The following TAOK1 variants were observed in gnomAD, a reference collection of about 807,000 sequenced individuals.
TAOK1 encodes the protein TAO kinase 1, also known as serine/threonine-protein kinase TAO1.
TAOK1 carries 21 observed loss-of-function variants against 138.3 expected under a neutral mutation model. The ratio of observed to expected loss-of-function variants is 0.15; its 90% confidence interval spans 0.11 to 0.22. The LOEUF (loss-of-function observed/expected upper bound fraction) is 0.22, where lower values mean the gene tolerates loss of function less well. Ranked by LOEUF, TAOK1 falls within the 10% of genes least tolerant of loss-of-function variation. TAOK1 has a pLI of 1.00. For missense variants in TAOK1, 651 were observed against 1,227.7 expected, an observed-to-expected ratio of 0.53 and a Z score of 7.02; for synonymous variants, 361 against 398.4, an observed-to-expected ratio of 0.91 and a Z score of 1.12.
chr17:29,533,702 G>A (rs527248276), intron 18 of TAOK1, among the ~76,000 whole-genome samples: 54 of 151,816 alleles, frequency 3.6e-4, no homozygotes, highest in African/African-American at 9.9e-4. Flanking sequence ...CCAGTCAGGC[G>A]TGGCGGCGCG....
chr17:29,533,737 AG>A (rs1188958383), intron 18 of TAOK1, among the ~76,000 whole-genome samples: 1 of 139,678 alleles, frequency 7.2e-6, no homozygotes, highest in African/African-American at 2.7e-5. Flanking sequence ...GGCACTCGGC[AG>A]GCTGAGGCAG....
At chr17:29,458,967 G>T (rs940959057) in intron 2 of TAOK1, among the ~76,000 whole-genome samples, 1 of 151,996 alleles carries the variant, frequency 6.6e-6, no homozygotes, top group Non-Finnish European at 1.5e-5. Flanking sequence ...AGATCCACCC[G>T]CCTTGGCCTC....
rs553345588 is a variant in TAOK1, at chr17:29,547,656, A to G, written c.*4634A>G. The G allele has an allele frequency of 2.6e-5, 4 of 152,278 alleles. No individual in the cohort carries two copies. The East Asian group carries it at 7.7e-4, about 29-fold the overall frequency. 9.4% of individuals were successfully genotyped at this position (152,278 alleles called of 1,614,324 possible). ...AGAGCCTTCTCCAAGAGCAATGTCA[A>G]AACTTGGGCTGTCATCTTTGAGCTG... is the stretch of plus-strand genomic sequence containing the variant. On this transcript the variant is annotated 3_prime_UTR_variant, in exon 20 of 20. Transcript: ENST00000261716.
intron 1 of TAOK1, among the ~76,000 whole-genome samples, chr17:29,447,953 GTC>G (rs1241203578): frequency 1.6e-5 from 2 of 122,506 alleles, no homozygotes; most frequent in Non-Finnish European, 3.2e-5. Context: ...ACTGCACCTG[GTC>G]TTTTTTTTTT....
intron 1 of TAOK1, among the ~76,000 whole-genome samples, chr17:29,433,854 G>A (rs552046623): frequency 2.6e-5 from 4 of 152,184 alleles, no homozygotes; most frequent in African/African-American, 7.2e-5. Flanking sequence ...TTAAGGACAC[G>A]GACGAAGACC....
At chr17:29,429,501 C>G (rs2153022506) in intron 1 of TAOK1, among the ~76,000 whole-genome samples, 1 of 152,180 alleles carries the variant, frequency 6.6e-6, no homozygotes, top group East Asian at 1.9e-4. Flanking sequence ...GTCTCAAATG[C>G]TTGACCTCAA....
At chr17:29,422,133 G>GTGA (rs1298125910) in intron 1 of TAOK1, among the ~76,000 whole-genome samples, 3 of 151,926 alleles carry the variant, frequency 2.0e-5, no homozygotes, top group African/African-American at 7.2e-5. Context: ...TCCTGACCTC[G>GTGA]TGATCCACCC....
chr17:29,409,333 A>ATATATTT (rs1348702470), intron 1 of TAOK1, among the ~76,000 whole-genome samples: 5 of 59,034 alleles, frequency 8.5e-5, no homozygotes, highest in African/African-American at 3.3e-4. Context: ...ATATATATAT[A>ATATATTT]TTTTTTTTTT....
chr17:29,543,911 A>T lies in TAOK1; in HGVS notation c.*889A>T, dbSNP rs533883859. ...GGCCCTGAAAGTTCATATGGTGGGTATGTCCCGCAGCAGAGTGAGGAGATG... is the reference window on the plus strand; with the variant it reads ...GGCCCTGAAAGTTCATATGGTGGGTTTGTCCCGCAGCAGAGTGAGGAGATG... On this transcript the variant is annotated 3_prime_UTR_variant, in exon 20 of 20. Transcript: ENST00000261716. 2.5e-3 allele frequency: 384 copies of T among 152,280 alleles called. 2 individuals carry two copies. Among genetic ancestry groups the T allele is most frequent in the Non-Finnish European group, 4.6e-3 (314 of 68,022 alleles). 9.4% of individuals were successfully genotyped at this position (152,280 alleles called of 1,614,324 possible).
intron 8 of TAOK1, among the ~76,000 whole-genome samples, chr17:29,488,645 G>A (rs1047960804): frequency 1.8e-4 from 26 of 148,254 alleles, no homozygotes; most frequent in South Asian, 4.2e-4. Flanking sequence ...ATTTTTTTTC[G>A]CCAAATATTT....
chr17:29,464,923 C>T (rs979674310), intron 2 of TAOK1, among the ~76,000 whole-genome samples: 1 of 149,774 alleles, frequency 6.7e-6, no homozygotes, highest in East Asian at 2.0e-4. Context: ...TGGGTTCAAG[C>T]GATTCTTGTG....
chr17:29,477,579 C>T lies in TAOK1; in HGVS notation c.307-82C>T. 4.0e-6 allele frequency: 3 copies of T among 747,522 alleles called. No homozygotes were observed. The South Asian group carries it at 1.4e-4, about 34-fold the overall frequency. 46.3% of individuals were successfully genotyped at this position (747,522 alleles called of 1,614,324 possible). A position where few individuals can be genotyped will look rare whatever the true frequency, so the allele number is the denominator to read the frequency against. On this transcript the variant is annotated intron_variant, in intron 4 of 19. Transcript: ENST00000261716. ...TACTTCAAACTATGTTCTTGATCTA[C>T]TGTGTGAACTTATTTTATCTTAAAT...
At chr17:29,463,568 C>G (rs910246161) in intron 2 of TAOK1, among the ~76,000 whole-genome samples, 9 of 131,700 alleles carry the variant, frequency 6.8e-5, no homozygotes, top group African/African-American at 2.7e-4. Flanking sequence ...AAGACTCCAT[C>G]TCAAAAAAAA....
intron 17 of TAOK1, among the ~76,000 whole-genome samples, chr17:29,524,702 A>C (rs1037477941): frequency 5.3e-5 from 8 of 152,210 alleles, no homozygotes; most frequent in African/African-American, 1.9e-4. Flanking sequence ...TGCCTCTTTC[A>C]ATTTTCTCCT....
intron 1 of TAOK1, among the ~76,000 whole-genome samples, chr17:29,418,516 T>C (rs557034937): frequency 6.6e-6 from 1 of 152,254 alleles, no homozygotes; most frequent in African/African-American, 2.4e-5. Context: ...ATCATAGCTT[T>C]ATATAGTCAT....
chr17:29,523,720 C>CTT (rs1160169503), intron 17 of TAOK1, among the ~76,000 whole-genome samples: 1 of 152,158 alleles, frequency 6.6e-6, no homozygotes, highest in Non-Finnish European at 1.5e-5. Context: ...CACCCACTAT[C>CTT]TGTCATCGAT....
chr17:29,479,875 A>G (rs1780271670), intron 6 of TAOK1, among the ~76,000 whole-genome samples: 1 of 152,090 alleles, frequency 6.6e-6, no homozygotes, highest in South Asian at 2.1e-4. Flanking sequence ...TATATTTAGG[A>G]AAACTATGCT....
Position 29,395,824 on chromosome 17 carries a change from A to ATTTTTT in TAOK1, c.-95+4819_-95+4824dup, listed in dbSNP as rs1187461666. Among the ~76,000 whole-genome samples, 280 of 72,072 alleles carry ATTTTTT rather than the reference A, an allele frequency of 3.9e-3. 2 individuals are homozygous for ATTTTTT. The highest frequency in any genetic ancestry group is 8.1e-3 in the African/African-American group (126 of 15,556). The allele number at this position is 72,072 out of a possible 152,430, so 47.3% of individuals were successfully genotyped here. On this transcript the variant is annotated intron_variant, in intron 1 of 19. Coordinates refer to ENST00000261716, the MANE Select transcript of TAOK1 (RefSeq NM_020791.4). ...AGGTACATGCCACCACGTCTGGCTAATTTTTTTTTTTTTTTTTTTTTTTTG... is the reference window on the plus strand; with the variant it reads ...AGGTACATGCCACCACGTCTGGCTAATTTTTTTTTTTTTTTTTTTTTTTTTTTTTTG...
At chr17:29,415,101 C>G (rs189324826) in intron 1 of TAOK1, among the ~76,000 whole-genome samples, 3 of 152,106 alleles carry the variant, frequency 2.0e-5, no homozygotes, top group Admixed American at 6.6e-5. Context: ...TCCCAAATAG[C>G]TGGGATTACA....
Sources: allele counts gnomAD v4.1 joint callset (sites outside exome capture counted in the v4.1 genomes callset), GRCh38; gene constraint gnomAD v4.1.1; transcripts MANE v1.5; gene names NCBI Gene and HGNC (gene_info 2026-07-23, HGNC 2026-07-21).